CHD7: variants seen among roughly 807,000 people sequenced by gnomAD.
CHD7 encodes the protein ATP-dependent chromatin remodeler CHD7.
CHD7 carries 24 observed loss-of-function variants against 307.3 expected under a neutral mutation model. The observed-to-expected ratio is 0.08, with a 90% CI of 0.06 to 0.11. The LOEUF is 0.11. CHD7 is among the 10% of genes least tolerant of loss of function. The pLI is 1.00. For synonymous variants in CHD7, 1,363 were observed against 1,349.9 expected (o/e 1.01, Z -0.21); for missense variants, 3,106 against 3,727.1 (o/e 0.83, Z 4.34).
intron 1 of CHD7, among the ~76,000 whole-genome samples, chr8:60,701,174 CAACAGTTTAG>C (rs2150507412): frequency 6.6e-6 from 1 of 152,314 alleles, no homozygotes; most frequent in South Asian, 2.1e-4. Flanking sequence ...TGAGCAGCAG[CAACAGTTTAG>C]TCACTGTTTC....
chr8:60,699,130 A>G (rs1351466167), intron 1 of CHD7, among the ~76,000 whole-genome samples: 1 of 152,208 alleles, frequency 6.6e-6, no homozygotes, highest in Non-Finnish European at 1.5e-5. Context: ...GCAATTAGAT[A>G]TTAGCATATT....
At position 60,841,771 on chromosome 8, in the gene CHD7, A is replaced by G. The variant is rs376953317; in HGVS notation, c.4644+17A>G. ...AATGGGAGGGTGAGTAAGAAGTCCC[A>G]TTCGAACACCTATCTGATCTAAACC... On this transcript the variant is annotated intron_variant, in intron 20 of 37. Coordinates refer to ENST00000423902, the MANE Select transcript of CHD7 (RefSeq NM_017780.4). 54 of 1,603,888 alleles carry G rather than the reference A, an allele frequency of 3.4e-5. No individual in the cohort carries two copies. The highest frequency in any genetic ancestry group is 1.2e-4 in the Admixed American group (7 of 59,902).
At chr8:60,783,545 C>G (rs1445883476) in intron 3 of CHD7, among the ~76,000 whole-genome samples, 3 of 152,150 alleles carry the variant, frequency 2.0e-5, no homozygotes, top group African/African-American at 7.2e-5. Context: ...GAGTCACAAG[C>G]TTTTGGTAGG....
chr8:60,792,740 G>A (rs190253965), intron 3 of CHD7, among the ~76,000 whole-genome samples: 1 of 152,238 alleles, frequency 6.6e-6, no homozygotes, highest in East Asian at 1.9e-4. Context: ...GTAGGACCAC[G>A]CATGCAGGGC....
At chr8:60,810,991 C>T (rs750200299) in intron 7 of CHD7, among the ~76,000 whole-genome samples, 11 of 152,238 alleles carry the variant, frequency 7.2e-5, no homozygotes, top group Admixed American at 2.6e-4. Flanking sequence ...ACTGTGCATG[C>T]GAAGGATCTA....
At chr8:60,712,801 GC>G (rs1330307151) in intron 1 of CHD7, among the ~76,000 whole-genome samples, 2 of 152,012 alleles carry the variant, frequency 1.3e-5, no homozygotes, top group Admixed American at 1.3e-4. Context: ...CTGTATCCCA[GC>G]ACTTTGGGAG....
intron 1 of CHD7, among the ~76,000 whole-genome samples, chr8:60,681,714 A>T (rs1805640996): frequency 6.6e-6 from 1 of 152,198 alleles, no homozygotes; most frequent in African/African-American, 2.4e-5. Flanking sequence ...TCAGGCTTGT[A>T]ACAGGTGAAT....
rs1397480401 is a variant in CHD7 at position 60,860,930 on chromosome 8, T to C, written c.7635T>C (p.Phe2545=). Residue 2545 remains phenylalanine, a synonymous_variant, in exon 35 of 38, where the codon TTT becomes TTC. Coordinates refer to ENST00000423902, the MANE Select transcript of CHD7 (RefSeq NM_017780.4). ...SAEDAEVTKA[F]EEDIETPPTR... ...AGGATGCTGAGGTGACCAAAGCTTTTGAAGAAGATATAGAGACCCCACCAA... is the reference window on the plus strand; with the variant it reads ...AGGATGCTGAGGTGACCAAAGCTTTCGAAGAAGATATAGAGACCCCACCAA... 1 of 1,613,562 alleles carries C rather than the reference T, an allele frequency of 6.2e-7. No homozygotes were observed. The highest frequency in any genetic ancestry group is 1.3e-5 in the African/African-American group (1 of 74,874).
chr8:60,736,523 T>C (rs888638540), intron 1 of CHD7, among the ~76,000 whole-genome samples: 1 of 152,170 alleles, frequency 6.6e-6, no homozygotes, highest in African/African-American at 2.4e-5. Flanking sequence ...TGCAAAATGC[T>C]TCCTTGGAAA....
In CHD7 at chr8:60,852,211, CGGAAAG is replaced by C; in HGVS notation, c.5863_5868del (p.Arg1955_Glu1956del). ...CGAGAGGAAGTGAGAGCTCTGGAAGCGGAAAGGGAAGCTATTATATCTGAGAAGCGG... is the reference window on the plus strand; with the variant it reads ...CGAGAGGAAGTGAGAGCTCTGGAAGCGGAAGCTATTATATCTGAGAAGCGG... On this transcript the variant is annotated inframe_deletion, in exon 29 of 38. Coordinates refer to ENST00000423902, the MANE Select transcript of CHD7 (RefSeq NM_017780.4). The C allele has an allele frequency of 6.2e-7, 1 of 1,613,528 alleles. No homozygotes were observed. The highest frequency in any genetic ancestry group is 1.1e-5 in the South Asian group (1 of 91,062).
intron 13 of CHD7, among the ~76,000 whole-genome samples, chr8:60,826,363 T>G (rs1170270780): frequency 6.6e-6 from 1 of 152,264 alleles, no homozygotes; most frequent in Non-Finnish European, 1.5e-5. Flanking sequence ...AACACATTAT[T>G]GTTCAGAATA....
intron 1 of CHD7, among the ~76,000 whole-genome samples, chr8:60,722,648 CTT>C (rs1433035978): frequency 6.6e-6 from 1 of 152,146 alleles, no homozygotes; most frequent in Non-Finnish European, 1.5e-5. Context: ...AATAGCGTAA[CTT>C]TTGTTTTTTA....
chr8:60,783,437 C>T (rs1044145583), intron 3 of CHD7, among the ~76,000 whole-genome samples: 1 of 152,210 alleles, frequency 6.6e-6, no homozygotes, highest in Non-Finnish European at 1.5e-5. Flanking sequence ...ACATTCAGTG[C>T]AAGCCTCATA....
At chr8:60,777,998 G>T (rs1420116425) in intron 2 of CHD7, among the ~76,000 whole-genome samples, 1 of 151,912 alleles carries the variant, frequency 6.6e-6, no homozygotes. Context: ...AGATGTTAAT[G>T]GCATTGATTA....
In CHD7 at chr8:60,800,522, G is replaced by T. The variant is rs1191540205; in HGVS notation, c.2373G>T (p.Gln791His). Residue 791 changes from glutamine (Q) to histidine (H), a missense_variant, in exon 5 of 38, where the codon CAG becomes CAT. Physicochemically the swap from Gln to His is conservative, Grantham distance 24. Transcript: ENST00000423902. ...DSPSNTSQSE[Q>H]QESVDAEGPV... Reference sequence around the variant, plus strand: ...CCTCCAACACCTCCCAGTCAGAACAGCAGGTTAGTACCAGATCTGTGGGAT... The same window carrying T: ...CCTCCAACACCTCCCAGTCAGAACATCAGGTTAGTACCAGATCTGTGGGAT... 9.3e-6 allele frequency: 15 copies of T among 1,612,620 alleles called. No individual in the cohort carries two copies. Among genetic ancestry groups the T allele is most frequent in the Non-Finnish European group, 1.2e-5 (14 of 1,179,442 alleles).
chr8:60,743,102 G>T lies in CHD7; in HGVS notation c.1665+5G>T. 6.2e-7 allele frequency: 1 copy of T among 1,610,188 alleles called. No individual in the cohort carries two copies. On this transcript the variant is annotated splice_donor_5th_base_variant and intron_variant, in intron 2 of 37. Transcript: ENST00000423902. ...CAGAAAGTGCCTGTGCATCAGGTAA[G>T]GGGACACAGAGCCTACCTCTGCATT...
intron 2 of CHD7, among the ~76,000 whole-genome samples, chr8:60,768,026 G>A (rs1810554362): frequency 6.6e-6 from 1 of 152,020 alleles, no homozygotes; most frequent in African/African-American, 2.4e-5. Flanking sequence ...GTATTTGAAG[G>A]TTTAGTTTAG....
intron 13 of CHD7, among the ~76,000 whole-genome samples, chr8:60,827,922 G>A (rs1346620194): frequency 6.6e-6 from 1 of 151,794 alleles, no homozygotes; most frequent in Non-Finnish European, 1.5e-5. Context: ...AAAATAATAG[G>A]GTTCTTAAGA....
intron 1 of CHD7, among the ~76,000 whole-genome samples, chr8:60,708,332 C>A (rs2150519670): frequency 6.6e-6 from 1 of 152,278 alleles, no homozygotes; most frequent in Middle Eastern, 3.4e-3. Context: ...TGTTGCAATC[C>A]TCTGTATCCA....
Sources: allele counts gnomAD v4.1 joint callset (sites outside exome capture counted in the v4.1 genomes callset), GRCh38; gene constraint gnomAD v4.1.1; transcripts MANE v1.5; gene names NCBI Gene and HGNC (gene_info 2026-07-23, HGNC 2026-07-21).